ADAMTS17: variants seen among roughly 807,000 people sequenced by gnomAD.
ADAMTS17 encodes the protein ADAM metallopeptidase with thrombospondin type 1 motif 17.
Under a neutral mutation model 141.5 loss-of-function variants are expected in ADAMTS17, and 113 were observed. That is an observed-to-expected ratio of 0.80 (90% CI 0.69 to 0.93). The LOEUF is 0.93. Among genes scored for constraint, ADAMTS17 ranks in the 40% least tolerant of loss-of-function variants. ADAMTS17 has a pLI of 0.00. For missense variants in ADAMTS17, 1,659 were observed against 1,517.9 expected (o/e 1.09, Z -1.54); for synonymous variants, 768 against 630.6 (o/e 1.22, Z -3.27).
intron 7 of ADAMTS17, among the ~76,000 whole-genome samples, chr15:100,211,685 C>A (rs889338922): frequency 6.6e-6 from 1 of 151,914 alleles, no homozygotes; most frequent in African/African-American, 2.4e-5. Flanking sequence ...AAGGTAAAGA[C>A]GAAGAAAAGA....
intron 15 of ADAMTS17, among the ~76,000 whole-genome samples, chr15:100,071,308 G>A (rs2033954426): frequency 6.7e-6 from 1 of 149,966 alleles, no homozygotes. Context: ...AATTCTACCA[G>A]AGGTACAAGG....
intron 14 of ADAMTS17, among the ~76,000 whole-genome samples, chr15:100,097,772 G>A (rs938294449): frequency 9.9e-5 from 15 of 152,260 alleles, no homozygotes; most frequent in African/African-American, 3.6e-4. Context: ...GAGGCTGCTT[G>A]CCGGGGCCAT....
chr15:100,147,484 C>T (rs1596557014), intron 10 of ADAMTS17, among the ~76,000 whole-genome samples: 2 of 152,164 alleles, frequency 1.3e-5, no homozygotes, highest in South Asian at 4.1e-4. Flanking sequence ...TGGTACTGTA[C>T]TACTACTACT....
chr15:100,166,775 G>C (rs1048494889), intron 8 of ADAMTS17, among the ~76,000 whole-genome samples: 1 of 152,342 alleles, frequency 6.6e-6, no homozygotes, highest in Non-Finnish European at 1.5e-5. Flanking sequence ...CATGATTCTT[G>C]ATCTAGAAGG....
At chr15:100,332,042 C>T (rs2046069026) in intron 2 of ADAMTS17, among the ~76,000 whole-genome samples, 1 of 152,170 alleles carries the variant, frequency 6.6e-6, no homozygotes, top group African/African-American at 2.4e-5. Flanking sequence ...ATCAGATCAA[C>T]TAATAAGATC....
chr15:100,207,947 G>C (rs2041642364), intron 7 of ADAMTS17, among the ~76,000 whole-genome samples: 1 of 152,164 alleles, frequency 6.6e-6, no homozygotes, highest in African/African-American at 2.4e-5. Context: ...ACACAGCCTT[G>C]GAGGGAGGAG....
intron 14 of ADAMTS17, among the ~76,000 whole-genome samples, chr15:100,104,877 AGACAT>A (rs1289233284): frequency 6.6e-6 from 1 of 152,230 alleles, no homozygotes; most frequent in Non-Finnish European, 1.5e-5. Flanking sequence ...TACTGCAACA[AGACAT>A]AAGTACTATA....
At position 100,261,500 on chromosome 15, in the gene ADAMTS17, T is replaced by C; in HGVS notation, c.1010A>G (p.Asp337Gly). 1 of 1,614,090 alleles carries C rather than the reference T, an allele frequency of 6.2e-7. No individual in the cohort carries two copies. The highest frequency in any genetic ancestry group is 8.5e-7 in the Non-Finnish European group (1 of 1,180,040). The change falls in exon 6 of 22, where the codon GAT becomes GGT. Residue 337 changes from aspartate (D) to glycine (G), a missense_variant. Physicochemically the swap from Asp to Gly is moderately conservative, Grantham distance 94. Coordinates refer to ENST00000268070, the MANE Select transcript of ADAMTS17 (RefSeq NM_139057.4). Reference protein sequence around the residue: ...PGGKDDPPLVDAAVFVTRTDF... With the variant: ...PGGKDDPPLVGAAVFVTRTDF... ...TTACCTGGTCACAAACACGGCAGCA[T>C]CCACCAGGGGCGGGTCGTCCTTCCC...
intron 15 of ADAMTS17, among the ~76,000 whole-genome samples, chr15:100,081,129 G>T (rs552137943): frequency 3.9e-5 from 6 of 152,314 alleles, no homozygotes; most frequent in African/African-American, 1.4e-4. Flanking sequence ...AATCTAATCA[G>T]CTGCCAGCAA....
chr15:100,199,898 G>A (rs112921937), intron 7 of ADAMTS17, among the ~76,000 whole-genome samples: 6,924 of 152,298 alleles, frequency 0.045, 247 homozygotes, highest in East Asian at 0.17. Flanking sequence ...CCCTGCACCC[G>A]CACACCCTGA....
intron 3 of ADAMTS17, among the ~76,000 whole-genome samples, chr15:100,285,874 CT>C (rs1239015290): frequency 8.5e-5 from 13 of 152,190 alleles, no homozygotes; most frequent in African/African-American, 2.9e-4. Context: ...CTTTGGGTGA[CT>C]GCTGGACCTG....
At chr15:100,130,599 C>A (rs1013292134) in intron 12 of ADAMTS17, among the ~76,000 whole-genome samples, 1 of 152,102 alleles carries the variant, frequency 6.6e-6, no homozygotes, top group African/African-American at 2.4e-5. Flanking sequence ...GATAAAATAT[C>A]CAATTCCTGG....
At chr15:100,195,381 G>A (rs1028408230) in intron 8 of ADAMTS17, among the ~76,000 whole-genome samples, 4 of 152,282 alleles carry the variant, frequency 2.6e-5, no homozygotes, top group South Asian at 2.1e-4. Flanking sequence ...GTGGTTACAC[G>A]GGAGTTAATG....
At chr15:100,333,356 C>T (rs1011332256) in intron 2 of ADAMTS17, among the ~76,000 whole-genome samples, 12 of 152,194 alleles carry the variant, frequency 7.9e-5, no homozygotes, top group African/African-American at 2.7e-4. Context: ...TGGCTCAGGG[C>T]TTCTCATCCC....
At chr15:100,330,805 T>C (rs1375483898) in intron 3 of ADAMTS17, 84 bp downstream of exon 3, 20 of 1,553,020 alleles carry the variant, frequency 1.3e-5, no homozygotes, top group Non-Finnish European at 1.5e-5. Context: ...TTCTCACTCA[T>C]GTGGCTTCAG....
chr15:100,289,851 T>C (rs1176692317), intron 3 of ADAMTS17, among the ~76,000 whole-genome samples: 1 of 152,162 alleles, frequency 6.6e-6, no homozygotes, highest in Non-Finnish European at 1.5e-5. Context: ...AAACTACATA[T>C]TGAAGGAGCA....
chr15:100,028,661 C>T (rs542238440), intron 18 of ADAMTS17, among the ~76,000 whole-genome samples: 2 of 152,358 alleles, frequency 1.3e-5, no homozygotes, highest in South Asian at 4.1e-4. Context: ...GTCGTACAGA[C>T]AGGTTGAGTG....
At chr15:100,104,274 CTT>C (rs2036292945) in intron 14 of ADAMTS17, among the ~76,000 whole-genome samples, 1 of 152,208 alleles carries the variant, frequency 6.6e-6, no homozygotes, top group Non-Finnish European at 1.5e-5. Flanking sequence ...TGATGGGACT[CTT>C]GATTTATAGG....
chr15:100,066,813 G>A (rs111622511), intron 15 of ADAMTS17, among the ~76,000 whole-genome samples: 19 of 109,412 alleles, frequency 1.7e-4, no homozygotes, highest in East Asian at 5.9e-4. Context: ...GATATTGAGA[G>A]GGCAGCCATC....
Sources: allele counts gnomAD v4.1 joint callset (sites outside exome capture counted in the v4.1 genomes callset), GRCh38; gene constraint gnomAD v4.1.1; transcripts MANE v1.5; gene names NCBI Gene and HGNC (gene_info 2026-07-23, HGNC 2026-07-21).